The following PIP5K1B variants were observed in gnomAD, a reference collection of about 807,000 sequenced individuals.
PIP5K1B encodes the protein phosphatidylinositol 4-phosphate 5-kinase type-1 beta.
PIP5K1B carries 42 observed loss-of-function variants against 67.0 expected under a neutral mutation model. The observed-to-expected ratio is 0.63, with a 90% CI of 0.49 to 0.81. PIP5K1B has a LOEUF of 0.81. Ranked by LOEUF, PIP5K1B falls within the 30% of genes least tolerant of loss-of-function variation. PIP5K1B has a pLI of 0.00. For synonymous variants in PIP5K1B, 214 were observed against 231.4 expected, an observed-to-expected ratio of 0.92 and a Z score of 0.68; for missense variants, 459 against 646.3, an observed-to-expected ratio of 0.71 and a Z score of 3.14.
intron 14 of PIP5K1B, among the ~76,000 whole-genome samples, chr9:68,968,937 A>C (rs575799737): frequency 6.6e-6 from 1 of 152,158 alleles, no homozygotes; most frequent in African/African-American, 2.4e-5. Flanking sequence ...AGGCATTGTA[A>C]GGGAGGTTAT....
chr9:68,961,216 CAAAAAA>C (rs544251006), intron 14 of PIP5K1B, among the ~76,000 whole-genome samples: 1 of 56,336 alleles, frequency 1.8e-5, no homozygotes. Flanking sequence ...GACTCCGTCT[CAAAAAA>C]AAAAAAAAAA....
At chr9:68,897,968 C>T (rs1825172281) in intron 8 of PIP5K1B, among the ~76,000 whole-genome samples, 1 of 152,150 alleles carries the variant, frequency 6.6e-6, no homozygotes, top group African/African-American at 2.4e-5. Flanking sequence ...CTGAGCTCTG[C>T]GTCTGAAAAG....
At chr9:68,985,695 A>G (rs1830068619) in intron 14 of PIP5K1B, among the ~76,000 whole-genome samples, 1 of 152,246 alleles carries the variant, frequency 6.6e-6, no homozygotes, top group South Asian at 2.1e-4. Flanking sequence ...GGGACATTGC[A>G]GATGGCTCCC....
chr9:68,967,853 G>A (rs999605008), intron 14 of PIP5K1B, among the ~76,000 whole-genome samples: 1 of 152,070 alleles, frequency 6.6e-6, no homozygotes, highest in Non-Finnish European at 1.5e-5. Context: ...AGTATGATGA[G>A]CCTACATTGA....
At position 68,991,259 on chromosome 9, in the gene PIP5K1B, T is replaced by C. The variant is rs753754927; in HGVS notation, c.1620+2T>C. On this transcript the variant is annotated splice_donor_variant, in intron 15 of 15. Transcript: ENST00000265382. LOFTEE classifies it high-confidence loss of function. ...GCTTCTGTGCTTGACGTCTATTTAG[T>C]AAGTAATTTTTTAGTTTCCTCTCCT... The C allele has an allele frequency of 1.3e-6, 2 of 1,547,028 alleles. No homozygotes were observed. The highest frequency in any genetic ancestry group is 2.2e-5 in the South Asian group (2 of 89,672).
chr9:68,909,303 G>T (rs1825751453), intron 8 of PIP5K1B, among the ~76,000 whole-genome samples: 1 of 150,230 alleles, frequency 6.7e-6, no homozygotes. Flanking sequence ...TTGTTTGTTT[G>T]TTTAACTGCC....
intron 2 of PIP5K1B, among the ~76,000 whole-genome samples, chr9:68,798,430 GTAGT>G (rs1587468230): frequency 1.3e-5 from 2 of 152,300 alleles, no homozygotes; most frequent in East Asian, 1.9e-4. Context: ...ACAATAAAAG[GTAGT>G]TAGTAGTTAG....
In PIP5K1B at chr9:68,919,521, A is replaced by T. The variant is rs756958028; in HGVS notation, c.1026A>T (p.Leu342=). The T allele has an allele frequency of 1.6e-5, 25 of 1,601,128 alleles. No homozygotes were observed. Among genetic ancestry groups the T allele is most frequent in the Non-Finnish European group, 2.0e-5 (24 of 1,171,258 alleles). Residue 342 remains leucine, a synonymous_variant, in exon 10 of 16, where the codon CTA becomes CTT. Coordinates refer to ENST00000265382, the MANE Select transcript of PIP5K1B (RefSeq NM_003558.4). ...IPAKSHRGEK[L]LLFMGIIDIL... ...CTAAAAGCCATAGGGGAGAAAAACT[A>T]CTTTTATTTATGGGCATTATTGACA...
intron 4 of PIP5K1B, among the ~76,000 whole-genome samples, chr9:68,852,176 C>T (rs1822524827): frequency 6.6e-6 from 1 of 152,008 alleles, no homozygotes; most frequent in African/African-American, 2.4e-5. Context: ...ACATGTATAC[C>T]TATGTAACAA....
At chr9:68,746,470 T>G (rs1225754675) in intron 2 of PIP5K1B, among the ~76,000 whole-genome samples, 1 of 151,988 alleles carries the variant, frequency 6.6e-6, no homozygotes, top group Non-Finnish European at 1.5e-5. Flanking sequence ...CTTTCTCTCC[T>G]CTCTCTGTCT....
At chr9:68,895,473 C>A (rs1363894215) in intron 8 of PIP5K1B, among the ~76,000 whole-genome samples, 2 of 152,048 alleles carry the variant, frequency 1.3e-5, no homozygotes, top group Non-Finnish European at 2.9e-5. Flanking sequence ...CTGCACTTTC[C>A]ATGGGCCTGG....
intron 8 of PIP5K1B, among the ~76,000 whole-genome samples, chr9:68,917,158 G>C (rs1211850429): frequency 2.0e-5 from 3 of 152,160 alleles, no homozygotes; most frequent in South Asian, 2.1e-4. Context: ...TTATCTCTCT[G>C]TGCCTCCAGT....
chr9:68,764,137 A>G (rs1587407289), intron 2 of PIP5K1B, among the ~76,000 whole-genome samples: 1 of 117,280 alleles, frequency 8.5e-6, no homozygotes, highest in African/African-American at 3.4e-5. Flanking sequence ...CTTTCAGGAG[A>G]TGTCAATGGT....
At chr9:68,840,734 A>C (rs115642747) in intron 4 of PIP5K1B, among the ~76,000 whole-genome samples, 195 of 152,250 alleles carry the variant, frequency 1.3e-3, no homozygotes, top group African/African-American at 4.5e-3. Flanking sequence ...CCATATTATT[A>C]CATTAGGCCC....
chr9:68,965,842 C>A (rs1828995830), intron 14 of PIP5K1B, among the ~76,000 whole-genome samples: 1 of 151,844 alleles, frequency 6.6e-6, no homozygotes, highest in Non-Finnish European at 1.5e-5. Context: ...GCATACCTGG[C>A]ACATACCTGT....
intron 1 of PIP5K1B, among the ~76,000 whole-genome samples, chr9:68,740,225 T>C (rs1314370553): frequency 4.6e-5 from 7 of 152,214 alleles, no homozygotes; most frequent in Admixed American, 1.3e-4. Flanking sequence ...GACGGATCTT[T>C]TGGTAAGATT....
chr9:68,867,435 G>A (rs76435797), intron 5 of PIP5K1B, among the ~76,000 whole-genome samples: 2,719 of 152,330 alleles, frequency 0.018, 72 homozygotes, highest in African/African-American at 0.058. Flanking sequence ...CAGTGTCTTC[G>A]TGGATTTAGC....
intron 7 of PIP5K1B, among the ~76,000 whole-genome samples, chr9:68,891,978 A>C (rs1490278157): frequency 1.3e-5 from 2 of 152,204 alleles, no homozygotes; most frequent in Non-Finnish European, 2.9e-5. Context: ...AAACATAAAC[A>C]ATCAGTTCAG....
intron 1 of PIP5K1B, among the ~76,000 whole-genome samples, chr9:68,709,229 T>G (rs568044180): frequency 6.6e-6 from 1 of 152,298 alleles, no homozygotes; most frequent in Admixed American, 6.5e-5. Context: ...AAATAACATG[T>G]TTTTTTCTCT....
Sources: gnomAD v4.1 joint callset for allele counts (sites outside exome capture counted in the v4.1 genomes callset) on GRCh38, gnomAD v4.1.1 for gene constraint, MANE v1.5 for transcripts, NCBI Gene and HGNC (gene_info 2026-07-23, HGNC 2026-07-21) for gene names.